VPS35L: variants seen among roughly 807,000 people sequenced by gnomAD.
VPS35L encodes VPS35 endosomal protein-sorting factor-like.
VPS35L carries 83 observed loss-of-function variants against 133.0 expected under a neutral mutation model. The ratio of observed to expected loss-of-function variants is 0.62; its 90% CI spans 0.52 to 0.75. VPS35L has a LOEUF of 0.75. VPS35L is among the 30% of genes least tolerant of loss of function. The pLI, the probability that VPS35L is intolerant of heterozygous loss-of-function variation, is 0.00. For synonymous variants in VPS35L, 423 were observed against 449.9 expected (o/e 0.94, Z 0.76); for missense variants, 1,083 against 1,206.8 (o/e 0.90, Z 1.52).
At chr16:19,667,356 T>C (rs1240551587) in intron 26 of VPS35L, among the ~76,000 whole-genome samples, 1 of 152,114 alleles carries the variant, frequency 6.6e-6, no homozygotes, top group Non-Finnish European at 1.5e-5. Context: ...TCAGGTGGCT[T>C]TTCCTCAAGC....
chr16:19,657,051 C>T (rs561942639), intron 26 of VPS35L, among the ~76,000 whole-genome samples: 38 of 150,286 alleles, frequency 2.5e-4, no homozygotes, highest in African/African-American at 8.8e-4. Context: ...CTGCAACCTC[C>T]GTCTCCCAAG....
chr16:19,559,281 G>A (rs1040963785), intron 1 of VPS35L, among the ~76,000 whole-genome samples: 1 of 152,184 alleles, frequency 6.6e-6, no homozygotes, highest in Admixed American at 6.5e-5. Flanking sequence ...CTGTAGGCCT[G>A]GGGTATTTCA....
chr16:19,622,610 T>C (rs1315627689), intron 14 of VPS35L, among the ~76,000 whole-genome samples: 4 of 152,084 alleles, frequency 2.6e-5, no homozygotes, highest in Non-Finnish European at 4.4e-5. Flanking sequence ...CTCAAAACCA[T>C]GTTGTTATTC....
chr16:19,613,032 G>A (rs1972775429), intron 12 of VPS35L, among the ~76,000 whole-genome samples: 1 of 152,214 alleles, frequency 6.6e-6, no homozygotes. Flanking sequence ...CAAGCGCGGT[G>A]GCTCATGCCT....
At chr16:19,559,928 C>T (rs1970974901) in intron 1 of VPS35L, among the ~76,000 whole-genome samples, 1 of 152,042 alleles carries the variant, frequency 6.6e-6, no homozygotes, top group Non-Finnish European at 1.5e-5. Context: ...CCTCAGGTGA[C>T]CCACCCACCT....
At chr16:19,659,286 T>C (rs1028954856) in intron 26 of VPS35L, among the ~76,000 whole-genome samples, 1 of 152,104 alleles carries the variant, frequency 6.6e-6, no homozygotes, top group African/African-American at 2.4e-5. Flanking sequence ...AGGAGTTAGG[T>C]AACACATGGG....
chr16:19,585,505 G>A (rs572737765), intron 7 of VPS35L, among the ~76,000 whole-genome samples: 16 of 150,956 alleles, frequency 1.1e-4, no homozygotes, highest in Non-Finnish European at 2.2e-4. Flanking sequence ...GGCCTCAAGC[G>A]ATCCTCCCGC....
chr16:19,695,616 C>G (rs1334849675), intron 29 of VPS35L, among the ~76,000 whole-genome samples: 2 of 151,948 alleles, frequency 1.3e-5, no homozygotes, highest in Non-Finnish European at 2.9e-5. Context: ...GAGTTTGAGA[C>G]CAGCCTGGGG....
intron 21 of VPS35L, among the ~76,000 whole-genome samples, chr16:19,642,068 G>C (rs1451943872): frequency 6.6e-6 from 1 of 152,108 alleles, no homozygotes; most frequent in African/African-American, 2.4e-5. Context: ...AAATTAGCTG[G>C]GTGTGGTGAC....
At chr16:19,680,554 T>C (rs1975235875) in intron 27 of VPS35L, among the ~76,000 whole-genome samples, 1 of 152,124 alleles carries the variant, frequency 6.6e-6, no homozygotes, top group South Asian at 2.1e-4. Flanking sequence ...CCACGAGATA[T>C]TGTTGGGCAG....
At chr16:19,562,658 A>C (rs907789139) in intron 1 of VPS35L, among the ~76,000 whole-genome samples, 1 of 152,236 alleles carries the variant, frequency 6.6e-6, no homozygotes, top group Admixed American at 6.5e-5. Flanking sequence ...TATGAAATTA[A>C]ATTCTCAGAT....
chr16:19,655,207 A>C (rs1477957660), intron 26 of VPS35L, among the ~76,000 whole-genome samples: 1 of 152,154 alleles, frequency 6.6e-6, no homozygotes, highest in East Asian at 1.9e-4. Flanking sequence ...CTACTGCAGG[A>C]GAGTGGGAAT....
At position 19,571,529 on chromosome 16, in the gene VPS35L, T is replaced by A. The variant is rs79407915; in HGVS notation, c.286-1590T>A. ...CACTGCACCCCACAACTTTTTTTTT[T>A]AATTTATTTTATTTTATTTTATTTT... is the stretch of plus-strand genomic sequence containing the variant. On this transcript the variant is annotated intron_variant, in intron 3 of 30. Coordinates refer to ENST00000417362, the MANE Select transcript of VPS35L (RefSeq NM_020314.7). Among the ~76,000 whole-genome samples, 741 of 151,964 alleles carry A rather than the reference T, an allele frequency of 4.9e-3. 6 individuals are homozygous for A. The highest frequency in any genetic ancestry group is 0.015 in the African/African-American group (629 of 41,488).
intron 3 of VPS35L, among the ~76,000 whole-genome samples, chr16:19,572,263 C>T (rs1426040629): frequency 6.6e-6 from 1 of 152,038 alleles, no homozygotes; most frequent in Non-Finnish European, 1.5e-5. Flanking sequence ...ACTAAAAATA[C>T]AAAAATTAGC....
intron 28 of VPS35L, among the ~76,000 whole-genome samples, chr16:19,685,450 T>C (rs890866556): frequency 6.6e-6 from 1 of 152,210 alleles, no homozygotes; most frequent in Non-Finnish European, 1.5e-5. Flanking sequence ...GAAATTTGCA[T>C]GTGGCCAGGT....
At chr16:19,679,265 T>C (rs1351838016) in intron 27 of VPS35L, among the ~76,000 whole-genome samples, 2 of 151,938 alleles carry the variant, frequency 1.3e-5, no homozygotes, top group Non-Finnish European at 2.9e-5. Context: ...TTGAGCATCT[T>C]GTATTCTCAT....
chr16:19,593,915 T>A (rs1336675682), intron 8 of VPS35L, among the ~76,000 whole-genome samples: 1 of 142,290 alleles, frequency 7.0e-6, no homozygotes, highest in African/African-American at 2.7e-5. Context: ...AGACTCCGTC[T>A]CCAAAAAAAA....
intron 23 of VPS35L, among the ~76,000 whole-genome samples, chr16:19,645,676 C>G (rs567190685): frequency 2.6e-5 from 4 of 152,188 alleles, no homozygotes; most frequent in Non-Finnish European, 4.4e-5. Context: ...TTCCATCCCC[C>G]CCAGCTCTGC....
At chr16:19,581,706 A>G in intron 7 of VPS35L, 53 bp downstream of exon 7, 1 of 1,568,688 alleles carries the variant, frequency 6.4e-7, no homozygotes, top group Non-Finnish European at 8.6e-7. Context: ...GTAAAATTCC[A>G]CTGTGAGACT....
Sources: allele counts gnomAD v4.1 joint callset (sites outside exome capture counted in the v4.1 genomes callset), GRCh38; gene constraint gnomAD v4.1.1; transcripts MANE v1.5; gene names NCBI Gene and HGNC (gene_info 2026-07-23, HGNC 2026-07-21).